Variants in ERG observed in about 807,000 individuals in gnomAD.
ERG encodes transcriptional regulator ERG.
ERG carries 9 observed loss-of-function variants against 55.3 expected under a neutral mutation model. The observed-to-expected ratio is 0.16, with a 90% CI of 0.10 to 0.28. The LOEUF (loss-of-function observed/expected upper bound fraction) is 0.28. Among genes scored for constraint, ERG ranks in the 10% least tolerant of loss-of-function variants. The pLI, the probability that ERG is intolerant of heterozygous loss-of-function variation, is 1.00. For missense variants in ERG, 434 were observed against 631.6 expected (o/e 0.69, Z 3.35); for synonymous variants, 223 against 237.3 (o/e 0.94, Z 0.55).
At chr21:38,616,327 T>A (rs1402963460) in intron 1 of ERG, among the ~76,000 whole-genome samples, 1 of 152,150 alleles carries the variant, frequency 6.6e-6, no homozygotes, top group African/African-American at 2.4e-5. Flanking sequence ...CCCGTCTTGA[T>A]CATTGGGATT....
At chr21:38,475,847 T>A (rs959544104) in intron 1 of ERG, among the ~76,000 whole-genome samples, 2 of 152,164 alleles carry the variant, frequency 1.3e-5, no homozygotes, top group Non-Finnish European at 2.9e-5. Context: ...TCAGCACCCA[T>A]GAGCCTAGTG....
chr21:38,653,127 A>G (rs1237920967), intron 1 of ERG, among the ~76,000 whole-genome samples: 3 of 151,936 alleles, frequency 2.0e-5, no homozygotes, highest in Non-Finnish European at 4.4e-5. Flanking sequence ...CCCCAATTCC[A>G]TGGCATTCTT....
chr21:38,410,683 A>C (rs1327732332), intron 3 of ERG, among the ~76,000 whole-genome samples: 1 of 152,200 alleles, frequency 6.6e-6, no homozygotes, highest in Non-Finnish European at 1.5e-5. Flanking sequence ...TATTGAGTAG[A>C]TATTTAAATC....
chr21:38,658,782 C>A (rs2060534762), intron 1 of ERG, among the ~76,000 whole-genome samples: 1 of 152,138 alleles, frequency 6.6e-6, no homozygotes, highest in South Asian at 2.1e-4. Flanking sequence ...AATAAAATAT[C>A]TGATTTTATA....
intron 6 of ERG, among the ~76,000 whole-genome samples, chr21:38,397,218 C>G (rs1023164745): frequency 6.6e-6 from 1 of 151,544 alleles, no homozygotes; most frequent in Non-Finnish European, 1.5e-5. Context: ...ACTGACACAG[C>G]AGCAGCGAGA....
chr21:38,463,072 G>A (rs1481817801), intron 1 of ERG, among the ~76,000 whole-genome samples: 4 of 152,190 alleles, frequency 2.6e-5, no homozygotes, highest in East Asian at 1.9e-4. Flanking sequence ...TACACCTGGT[G>A]CATCTCTGGA....
chr21:38,608,899 T>A (rs773352570), intron 1 of ERG, among the ~76,000 whole-genome samples: 1 of 152,138 alleles, frequency 6.6e-6, no homozygotes, highest in Non-Finnish European at 1.5e-5. Context: ...AAATTGCATA[T>A]ATTTATTGAA....
intron 1 of ERG, among the ~76,000 whole-genome samples, chr21:38,476,175 G>C (rs1035189361): frequency 3.9e-5 from 6 of 152,106 alleles, no homozygotes; most frequent in Admixed American, 1.3e-4. Context: ...ACTCCTCGCT[G>C]CTTAGGTGTA....
chr21:38,650,021 CT>C (rs1169471689), intron 1 of ERG, among the ~76,000 whole-genome samples: 2 of 152,170 alleles, frequency 1.3e-5, no homozygotes, highest in Non-Finnish European at 2.9e-5. Context: ...AATAATTGTG[CT>C]GCCTTAGGTG....
chr21:38,591,186 A>G (rs2060098451), intron 1 of ERG, among the ~76,000 whole-genome samples: 1 of 152,228 alleles, frequency 6.6e-6, no homozygotes, highest in Non-Finnish European at 1.5e-5. Flanking sequence ...CAGTGTCGCA[A>G]CTGCAGAGAG....
chr21:38,436,023 T>TC (rs958675480), intron 2 of ERG, among the ~76,000 whole-genome samples: 1 of 149,376 alleles, frequency 6.7e-6, no homozygotes, highest in African/African-American at 2.5e-5. Context: ...TTTTTTTCTT[T>TC]TTTTTTTTTT....
At chr21:38,651,488 T>C (rs2060488504) in intron 1 of ERG, among the ~76,000 whole-genome samples, 1 of 152,246 alleles carries the variant, frequency 6.6e-6, no homozygotes, top group Non-Finnish European at 1.5e-5. Context: ...ACAATGGATT[T>C]TGAAGATTTC....
intron 3 of ERG, among the ~76,000 whole-genome samples, chr21:38,407,473 G>A (rs1988823462): frequency 6.6e-6 from 1 of 151,778 alleles, no homozygotes; most frequent in African/African-American, 2.4e-5. Context: ...AACGTGAACT[G>A]TTGTCACTGA....
intron 1 of ERG, among the ~76,000 whole-genome samples, chr21:38,614,998 G>T (rs1264981240): frequency 6.6e-6 from 1 of 152,140 alleles, no homozygotes; most frequent in Non-Finnish European, 1.5e-5. Flanking sequence ...TATTATTAAG[G>T]CAAAGATTAC....
At chr21:38,597,255 AT>A (rs1243660545) in intron 1 of ERG, among the ~76,000 whole-genome samples, 1 of 152,204 alleles carries the variant, frequency 6.6e-6, no homozygotes, top group Non-Finnish European at 1.5e-5. Flanking sequence ...ACAGTTATAA[AT>A]ATGGATCAAT....
chr21:38,431,787 A>G (rs1990224734), intron 2 of ERG, among the ~76,000 whole-genome samples: 3 of 152,264 alleles, frequency 2.0e-5, no homozygotes, highest in Admixed American at 2.0e-4. Flanking sequence ...TGGATTATGC[A>G]GTAAACAATA....
At chr21:38,555,898 T>G (rs1259924325) in intron 2 of ERG, among the ~76,000 whole-genome samples, 1 of 152,212 alleles carries the variant, frequency 6.6e-6, no homozygotes, top group Non-Finnish European at 1.5e-5. Flanking sequence ...TGGAAATATA[T>G]GTAAAAATTT....
In ERG at chr21:38,380,997, A is replaced by G; in HGVS notation, c.*2406T>C. 9.4e-7 allele frequency: 1 copy of G among 1,063,650 alleles called. No homozygotes were observed. Among genetic ancestry groups the G allele is most frequent in the Non-Finnish European group, 1.1e-6 (1 of 878,260 alleles). 65.9% of individuals were successfully genotyped at this position (1,063,650 alleles called of 1,614,324 possible). A position where few individuals can be genotyped will look rare whatever the true frequency, so the allele number is the denominator to read the frequency against. ...CCTAACTGCCAGCTTTCATGATTGTATTTATTTATTTTCCCTAAGGAGATA... is the reference window on the plus strand; with the variant it reads ...CCTAACTGCCAGCTTTCATGATTGTGTTTATTTATTTTCCCTAAGGAGATA... On this transcript the variant is annotated 3_prime_UTR_variant, in exon 10 of 10. Coordinates refer to ENST00000288319, the MANE Select transcript of ERG (RefSeq NM_182918.4).
chr21:38,423,921 A>C (rs1465861499), intron 2 of ERG, among the ~76,000 whole-genome samples: 2 of 152,194 alleles, frequency 1.3e-5, no homozygotes, highest in Non-Finnish European at 2.9e-5. Flanking sequence ...GGTTGCAGTG[A>C]GCTGAGATCA....
Sources: allele counts gnomAD v4.1 joint callset (sites outside exome capture counted in the v4.1 genomes callset), GRCh38; gene constraint gnomAD v4.1.1; transcripts MANE v1.5; gene names NCBI Gene and HGNC (gene_info 2026-07-23, HGNC 2026-07-21).